Variants in NUMB observed in about 807,000 individuals in gnomAD.
NUMB encodes the protein NUMB endocytic adaptor protein, also known as protein numb homolog.
A neutral mutation model predicts 59.7 loss-of-function variants in NUMB; 29 were observed. The observed-to-expected ratio is 0.49, with a 90% confidence interval of 0.36 to 0.66. The LOEUF is 0.66. Among genes scored for constraint, NUMB ranks in the 30% least tolerant of loss-of-function variants. NUMB has a pLI of 0.00. For synonymous variants in NUMB, 288 were observed against 288.2 expected, an observed-to-expected ratio of 1.00 and a Z score of 0.01; for missense variants, 723 against 822.0, an observed-to-expected ratio of 0.88 and a Z score of 1.47.
intron 1 of NUMB, among the ~76,000 whole-genome samples, chr14:73,443,698 T>C (rs1025747217): frequency 3.3e-5 from 5 of 151,756 alleles, no homozygotes; most frequent in Admixed American, 6.6e-5. Flanking sequence ...TCTCCCAGGC[T>C]GGAGTGCAGT....
chr14:73,367,342 T>G (rs1476476857), intron 2 of NUMB, among the ~76,000 whole-genome samples: 63 of 78,598 alleles, frequency 8.0e-4, no homozygotes, highest in Non-Finnish European at 1.1e-3. Context: ...TATATATATA[T>G]ATATATAGAG....
intron 7 of NUMB, 48 bp from the exon 8 acceptor site, chr14:73,292,922 G>C: frequency 6.3e-7 from 1 of 1,585,158 alleles, no homozygotes; most frequent in Non-Finnish European, 8.6e-7. Context: ...GAGGTTATCT[G>C]AGCTTCTCAG....
In NUMB at chr14:73,277,098, G is replaced by A; in HGVS notation, c.1436C>T (p.Ala479Val). ...PPPPTAISQP[A>V]SPFQGNAFLT... The stretch of plus-strand genomic sequence containing the variant: ...GAATGCATTCCCTTGGAAAGGTGAT[G>A]CTGGCTGGGAGATGGCAGTGGGTGG... Residue 479 changes from alanine to valine, a missense_variant, in exon 13 of 13, where the codon GCA (alanine) becomes GTA (valine). By Grantham distance (64) the Ala-to-Val change is moderately conservative. Around this residue, in one of 2 missense-constraint regions of NUMB, gnomAD observed 406 missense variants for 385.4 expected, o/e 1.05. Transcript: ENST00000555238. 2 of 1,614,142 alleles carry A rather than the reference G, an allele frequency of 1.2e-6. No individual in the cohort carries two copies. The highest frequency in any genetic ancestry group is 2.2e-5 in the East Asian group (1 of 44,882).
At chr14:73,358,997 C>T (rs1041629524) in intron 3 of NUMB, among the ~76,000 whole-genome samples, 8 of 152,178 alleles carry the variant, frequency 5.3e-5, no homozygotes, top group African/African-American at 1.9e-4. Flanking sequence ...AAGAGGACAT[C>T]CAACCTCTGT....
chr14:73,288,245 C>G (rs1889143043), intron 8 of NUMB, among the ~76,000 whole-genome samples: 1 of 151,714 alleles, frequency 6.6e-6, no homozygotes, highest in Non-Finnish European at 1.5e-5. Flanking sequence ...GAGACTCTGT[C>G]TCTACCAAAA....
intron 12 of NUMB, among the ~76,000 whole-genome samples, chr14:73,278,972 C>A (rs570408634): frequency 6.6e-6 from 1 of 152,152 alleles, no homozygotes; most frequent in Non-Finnish European, 1.5e-5. Context: ...GATCCACCCA[C>A]CTCAGCCTCC....
rs572660638 is a variant in NUMB, at chr14:73,307,878, G to A, written c.234+8512C>T. Reference sequence around the variant, plus strand: ...CTCCCGAGTAGCTGGGACTATAGGCGCCCGCCACCACGCCCGGCTAATTTT... The same window carrying A: ...CTCCCGAGTAGCTGGGACTATAGGCACCCGCCACCACGCCCGGCTAATTTT... On this transcript the variant is annotated intron_variant, in intron 6 of 12. Coordinates refer to ENST00000555238, the MANE Select transcript of NUMB (RefSeq NM_001005743.2). Among the ~76,000 whole-genome samples, 467 of 151,606 alleles carry A rather than the reference G, an allele frequency of 3.1e-3. 5 individuals carry two copies. The highest frequency in any genetic ancestry group is 0.011 in the African/African-American group (443 of 41,396).
At chr14:73,295,264 C>T (rs1889702941) in intron 7 of NUMB, among the ~76,000 whole-genome samples, 3 of 151,946 alleles carry the variant, frequency 2.0e-5, no homozygotes, top group Admixed American at 6.6e-5. Context: ...TATTAGTTCC[C>T]GCTTATAGTG....
At position 73,276,678 on chromosome 14, in the gene NUMB, T is replaced by C; in HGVS notation, c.1856A>G (p.Gln619Arg). 2.5e-6 allele frequency: 4 copies of C among 1,614,250 alleles called. No individual in the cohort carries two copies. The highest frequency in any genetic ancestry group is 1.1e-5 in the South Asian group (1 of 91,086). The change falls in exon 13 of 13, where the codon CAG becomes CGG. Residue 619 changes from glutamine (Q) to arginine (R), a missense_variant. This residue lies in a region of NUMB where 406 missense variants were observed against 385.4 expected (regional missense o/e 1.05). Coordinates refer to ENST00000555238, the MANE Select transcript of NUMB (RefSeq NM_001005743.2). ...GTCPVDPFEA[Q>R]WAALENKSKQ... ...GGACTTATTTTCTAATGCAGCCCAC[T>C]GGGCTTCAAAAGGATCCACTGGGCA...
intron 2 of NUMB, among the ~76,000 whole-genome samples, chr14:73,375,008 T>C (rs1164194044): frequency 1.3e-5 from 2 of 152,180 alleles, no homozygotes; most frequent in East Asian, 3.8e-4. Flanking sequence ...GCGCCTGGCC[T>C]AGAAACCTTG....
intron 7 of NUMB, among the ~76,000 whole-genome samples, chr14:73,296,561 G>A (rs1268158300): frequency 1.3e-5 from 2 of 152,142 alleles, no homozygotes; most frequent in Non-Finnish European, 2.9e-5. Context: ...AAGTAAATGA[G>A]TAACTAAAGT....
intron 1 of NUMB, among the ~76,000 whole-genome samples, chr14:73,446,028 GCT>G (rs1883477047): frequency 2.1e-5 from 3 of 143,662 alleles, no homozygotes; most frequent in African/African-American, 7.9e-5. Flanking sequence ...ATGGAGTCCT[GCT>G]CTGTCGCCCA....
intron 2 of NUMB, among the ~76,000 whole-genome samples, chr14:73,384,009 T>C (rs1895377581): frequency 6.6e-6 from 1 of 151,890 alleles, no homozygotes; most frequent in African/African-American, 2.4e-5. Flanking sequence ...AGAGTGAGAC[T>C]CTGTCTCAAA....
intron 6 of NUMB, among the ~76,000 whole-genome samples, chr14:73,308,839 G>A (rs1890607414): frequency 6.6e-6 from 1 of 152,182 alleles, no homozygotes; most frequent in African/African-American, 2.4e-5. Context: ...GATGGGCTAT[G>A]TGAATTGCTG....
At position 73,352,504 on chromosome 14, in the gene NUMB, A is replaced by G. The variant is rs61596588; in HGVS notation, c.126+3122T>C. ...TATATATATATATATATATATATAT[A>G]TATATATATATATATATATATATAT... On this transcript the variant is annotated intron_variant, in intron 4 of 12. Coordinates refer to ENST00000555238, the MANE Select transcript of NUMB (RefSeq NM_001005743.2). Among the ~76,000 whole-genome samples the G allele has an allele frequency of 2.2e-3, 27 of 12,426 alleles. 4 individuals are homozygous for G. The highest frequency in any genetic ancestry group is 0.011 in the African/African-American group (22 of 2,034). 8.2% of individuals were successfully genotyped at this position (12,426 alleles called of 152,430 possible). A position where few individuals can be genotyped will look rare whatever the true frequency, so the allele number is the denominator to read the frequency against.
chr14:73,300,291 A>C (rs1890061191), intron 6 of NUMB, among the ~76,000 whole-genome samples: 1 of 152,140 alleles, frequency 6.6e-6, no homozygotes, highest in Non-Finnish European at 1.5e-5. Flanking sequence ...GTCCATTCCT[A>C]TGAAATGGAG....
At chr14:73,326,597 A>T (rs1484659281) in intron 4 of NUMB, among the ~76,000 whole-genome samples, 1 of 152,040 alleles carries the variant, frequency 6.6e-6, no homozygotes, top group Non-Finnish European at 1.5e-5. Context: ...ATTGTACTCC[A>T]GCTTGGGCAA....
chr14:73,293,387 CTTTTTCT>C (rs1889531257), intron 7 of NUMB, among the ~76,000 whole-genome samples: 4 of 130,578 alleles, frequency 3.1e-5, no homozygotes, highest in Admixed American at 1.6e-4. Context: ...CCACTCGTTT[CTTTTTCT>C]TTTTTTTTTT....
rs1290917938 is a variant in NUMB at position 73,303,605 on chromosome 14, A to C, written c.235-6320T>G. Among the ~76,000 whole-genome samples, 3 of 146,500 alleles carry C rather than the reference A, an allele frequency of 2.0e-5. No individual in the cohort carries two copies. In the East Asian group the frequency reaches 6.1e-4, roughly 30 times the overall value. ...TCTCAAAAACAAAACAAAACAAAAC[A>C]AAAAAAAAACATGCTTCAGGAACTA... On this transcript the variant is annotated intron_variant, in intron 6 of 12. Coordinates refer to ENST00000555238, the MANE Select transcript of NUMB (RefSeq NM_001005743.2).
Sources: gnomAD v4.1 joint callset for allele counts (sites outside exome capture counted in the v4.1 genomes callset) on GRCh38, gnomAD v4.1.1 for gene constraint, gnomAD v4.1.1 regional missense constraint, MANE v1.5 for transcripts, NCBI Gene and HGNC (gene_info 2026-07-23, HGNC 2026-07-21) for gene names.